NR6A1: variants seen among roughly 807,000 people sequenced by gnomAD.
The protein encoded by NR6A1 is nuclear receptor subfamily 6 group A member 1, also known as retinoic acid receptor-related testis-associated receptor.
Under a neutral mutation model 59.1 loss-of-function variants are expected in NR6A1, and 7 were observed. The ratio of observed to expected loss-of-function variants is 0.12; its 90% CI spans 0.07 to 0.22. The LOEUF is 0.22. Ranked by LOEUF, NR6A1 falls within the 10% of genes least tolerant of loss-of-function variation. NR6A1 has a pLI of 1.00. For missense variants in NR6A1, 468 were observed against 611.6 expected (o/e 0.77, Z 2.48); for synonymous variants, 243 against 236.1 (o/e 1.03, Z -0.27).
chr9:124,644,737 A>T (rs1355887230), intron 2 of NR6A1, among the ~76,000 whole-genome samples: 2 of 152,170 alleles, frequency 1.3e-5, no homozygotes, highest in African/African-American at 4.8e-5. Context: ...GCCTTTGTCA[A>T]GCTACCTGAA....
At chr9:124,620,342 A>G (rs1341220752) in intron 2 of NR6A1, among the ~76,000 whole-genome samples, 1 of 152,216 alleles carries the variant, frequency 6.6e-6, no homozygotes, top group East Asian at 1.9e-4. Context: ...TTATAATTAA[A>G]AGATATACCC....
Position 124,522,689 on chromosome 9 carries a change from G to A in NR6A1, c.*16C>T, listed in dbSNP as rs1348929670. On this transcript the variant is annotated 3_prime_UTR_variant, in exon 10 of 10. Coordinates refer to ENST00000487099, the MANE Select transcript of NR6A1 (RefSeq NM_033334.4). ...CAAGACGCTGTGGTTGGCCTGAGGA[G>A]GGCGCCTGGAACAGGTCATTCCTTG... The A allele has an allele frequency of 6.4e-7, 1 of 1,557,858 alleles. No individual in the cohort carries two copies. Among genetic ancestry groups the A allele is most frequent in the African/African-American group, 1.4e-5 (1 of 73,360 alleles).
intron 2 of NR6A1, among the ~76,000 whole-genome samples, chr9:124,626,180 A>C (rs1836236906): frequency 6.6e-6 from 1 of 151,970 alleles, no homozygotes; most frequent in Non-Finnish European, 1.5e-5. Flanking sequence ...TAATTTTTGT[A>C]TTTTCCGTAG....
At chr9:124,535,535 G>A (rs1011948130) in intron 7 of NR6A1, among the ~76,000 whole-genome samples, 20 of 152,084 alleles carry the variant, frequency 1.3e-4, no homozygotes, top group African/African-American at 1.9e-4. Context: ...CCAAGACTGC[G>A]CCACTACATT....
At chr9:124,618,728 A>G (rs1026511210) in intron 2 of NR6A1, among the ~76,000 whole-genome samples, 2 of 152,188 alleles carry the variant, frequency 1.3e-5, no homozygotes, top group Non-Finnish European at 2.9e-5. Flanking sequence ...GAGACACAAC[A>G]ACTATTATTT....
chr9:124,627,240 C>A (rs994786541), intron 2 of NR6A1, among the ~76,000 whole-genome samples: 5 of 152,212 alleles, frequency 3.3e-5, no homozygotes, highest in African/African-American at 1.2e-4. Flanking sequence ...TGTAGTGTAA[C>A]TGAGATCAGA....
chr9:124,638,162 AG>A (rs1397713596), intron 2 of NR6A1, among the ~76,000 whole-genome samples: 1 of 151,982 alleles, frequency 6.6e-6, no homozygotes, highest in African/African-American at 2.4e-5. Flanking sequence ...AGGCTAAAGC[AG>A]AAGGATTGCT....
In NR6A1 at chr9:124,554,316, A is replaced by G. The variant is rs371892553; in HGVS notation, c.385+12T>C. On this transcript the variant is annotated intron_variant, in intron 3 of 9. Coordinates refer to ENST00000487099, the MANE Select transcript of NR6A1 (RefSeq NM_033334.4). The stretch of plus-strand genomic sequence containing the variant: ...TGAAGGATGGGCCATCAGAGCCATC[A>G]GCACCACTCACCCTTCCGGTTCATC... The G allele has an allele frequency of 2.3e-4, 379 of 1,614,206 alleles. 2 individuals carry two copies. The African/African-American group carries it at 3.8e-3, about 16-fold the overall frequency.
chr9:124,580,890 C>T lies in NR6A1; in HGVS notation c.143-26320G>A, dbSNP rs1293606795. 2.6e-5 allele frequency among the ~76,000 whole-genome samples: 4 copies of T among 152,172 alleles called. No individual in the cohort carries two copies. In the East Asian group the frequency reaches 5.8e-4, roughly 22 times the overall value. ...TCATGCTACCTGACTTCAGACTATA[C>T]TACAGGGATACAGTAACCAAAATAG... On this transcript the variant is annotated intron_variant, in intron 2 of 9. Coordinates refer to ENST00000487099, the MANE Select transcript of NR6A1 (RefSeq NM_033334.4).
intron 6 of NR6A1, among the ~76,000 whole-genome samples, chr9:124,536,947 T>G (rs1043072201): frequency 1.3e-5 from 2 of 152,194 alleles, no homozygotes; most frequent in Admixed American, 6.5e-5. Flanking sequence ...GCTCAGCCTT[T>G]CCTTTAAGCT....
chr9:124,524,346 G>T (rs1832871330), intron 9 of NR6A1, among the ~76,000 whole-genome samples: 1 of 152,146 alleles, frequency 6.6e-6, no homozygotes, highest in Non-Finnish European at 1.5e-5. Context: ...TATAATTCAT[G>T]TATCATAAAA....
intron 1 of NR6A1, among the ~76,000 whole-genome samples, chr9:124,758,539 C>T (rs1263927541): frequency 1.3e-5 from 2 of 152,062 alleles, no homozygotes; most frequent in African/African-American, 4.8e-5. Context: ...GAAAGTGTGG[C>T]ATGGAGGGGT....
At chr9:124,595,897 T>A in intron 2 of NR6A1, 3 of 1,014,266 alleles carry the variant, frequency 3.0e-6, no homozygotes, top group Non-Finnish European at 1.3e-6. Flanking sequence ...ACGACAGTCA[T>A]CCTCACAGGT....
chr9:124,522,933 T>A, intron 9 of NR6A1, 140 bp from the exon 10 acceptor site: 2 of 634,626 alleles, frequency 3.2e-6, no homozygotes, highest in South Asian at 1.8e-5. Context: ...ATCACAAAGG[T>A]TGGACACACT....
chr9:124,741,678 A>C (rs1292485498), intron 1 of NR6A1, among the ~76,000 whole-genome samples: 1 of 152,232 alleles, frequency 6.6e-6, no homozygotes, highest in Non-Finnish European at 1.5e-5. Context: ...TTTTCGAAAA[A>C]ATTAACACTA....
chr9:124,535,772 C>T lies in NR6A1; in HGVS notation c.1079+106G>A, dbSNP rs191893223. The T allele has an allele frequency of 1.7e-5, 24 of 1,371,994 alleles. No homozygotes were observed. In the East Asian group the frequency reaches 5.5e-4, roughly 32 times the overall value. The allele number at this position is 1,371,994 out of a possible 1,614,324, so 85.0% of individuals were successfully genotyped here. On this transcript the variant is annotated intron_variant, in intron 7 of 9. Transcript: ENST00000487099. ...GGCAGAGTGAGGATTCAAATCCAGG[C>T]CTATGAGGTGTAGTGCCTATCCTCT...
chr9:124,565,827 G>A (rs1015288938), intron 2 of NR6A1, among the ~76,000 whole-genome samples: 1 of 152,222 alleles, frequency 6.6e-6, no homozygotes. Context: ...TTCAAGTTAT[G>A]ATGGCAATGT....
Position 124,768,954 on chromosome 9 carries a change from A to C in NR6A1, c.100+2066T>G, listed in dbSNP as rs370682615. On this transcript the variant is annotated intron_variant, in intron 1 of 9. Transcript: ENST00000487099. Reference sequence around the variant, plus strand: ...AATATACACGCTAATATGGGATATAAGATAGGTTGGGGTTTGGATTCAAAA... The same window carrying C: ...AATATACACGCTAATATGGGATATACGATAGGTTGGGGTTTGGATTCAAAA... Among the ~76,000 whole-genome samples, 15 of 152,344 alleles carry C rather than the reference A, an allele frequency of 9.8e-5. No individual in the cohort carries two copies. The East Asian group carries it at 2.7e-3, about 27-fold the overall frequency.
At chr9:124,613,154 G>A (rs1340333646) in intron 2 of NR6A1, among the ~76,000 whole-genome samples, 5 of 152,114 alleles carry the variant, frequency 3.3e-5, no homozygotes, top group Non-Finnish European at 7.4e-5. Context: ...TGGCCAACAT[G>A]GTGAGACCCT....
Sources: gnomAD v4.1 joint callset for allele counts (sites outside exome capture counted in the v4.1 genomes callset) on GRCh38, gnomAD v4.1.1 for gene constraint, MANE v1.5 for transcripts, NCBI Gene and HGNC (gene_info 2026-07-23, HGNC 2026-07-21) for gene names.